Variants in CPLANE1 observed in about 807,000 individuals in gnomAD.
The protein encoded by CPLANE1 is ciliogenesis and planar polarity effector 1.
Under a neutral mutation model 362.5 loss-of-function variants are expected in CPLANE1, and 263 were observed. The observed-to-expected ratio is 0.73, with a 90% CI of 0.66 to 0.80. The LOEUF is 0.80. Ranked by LOEUF, CPLANE1 falls within the 30% of genes least tolerant of loss-of-function variation. The probability of loss-of-function intolerance (pLI) is 0.00; values close to 1 mark genes in which losing one functional copy is unlikely to be tolerated. For synonymous variants in CPLANE1, 1,212 were observed against 1,302.6 expected (o/e 0.93, Z 1.50); for missense variants, 3,461 against 3,793.4 (o/e 0.91, Z 2.30).
chr5:37,162,082 A>G (rs986359510), intron 38 of CPLANE1, among the ~76,000 whole-genome samples: 2 of 152,196 alleles, frequency 1.3e-5, no homozygotes, highest in African/African-American at 4.8e-5. Flanking sequence ...TCCTGGACAC[A>G]GTTAAATACC....
rs1381389715 is a variant in CPLANE1, at chr5:37,164,329, TAA to T, written c.7534-4_7534-3del. On this transcript the variant is annotated splice_polypyrimidine_tract_variant and splice_region_variant and intron_variant, in intron 36 of 52. Transcript: ENST00000651892. Reference sequence around the variant, plus strand: ...GGAACCACAATGTTCTTGTTGTTCCTAAATGAATTCCCACAGGATTACTCTAT... The same window carrying T: ...GGAACCACAATGTTCTTGTTGTTCCTATGAATTCCCACAGGATTACTCTAT... The T allele has an allele frequency of 9.3e-6, 15 of 1,612,080 alleles. No individual in the cohort carries two copies. The Middle Eastern group carries it at 1.8e-3, about 195-fold the overall frequency.
At chr5:37,123,930 TACACACACAC>T (rs56833956) in intron 47 of CPLANE1, among the ~76,000 whole-genome samples, 2 of 144,534 alleles carry the variant, frequency 1.4e-5, no homozygotes, top group Middle Eastern at 3.5e-3. Context: ...TAGGGGAACA[TACACACACAC>T]ACACACACAC....
In CPLANE1 at chr5:37,169,029, G is replaced by A; in HGVS notation, c.6995C>T (p.Ser2332Phe). The change falls in exon 34 of 53, where the codon TCT becomes TTT. Residue 2332 changes from serine to phenylalanine, a missense_variant. Physicochemically the swap from Ser to Phe is radical, Grantham distance 155 (BLOSUM62 -2). This residue lies in a region of CPLANE1 where 3,380 missense variants were observed against 3,666.1 expected (regional missense o/e 0.92). Transcript: ENST00000651892. ...TTTTTCTGGTTTTATAAACACTGAA[G>A]AGTCCTGTTGAGGTGTCAAATTTTC... ...GQENLTPQQD[S>F]SVFIKPEKLF... 6.2e-7 allele frequency: 1 copy of A among 1,614,174 alleles called. No individual in the cohort carries two copies. The highest frequency in any genetic ancestry group is 1.1e-5 in the South Asian group (1 of 91,088).
chr5:37,138,631 T>TA (rs1768596688), intron 46 of CPLANE1, 89 bp downstream of exon 46: 5 of 1,415,642 alleles, frequency 3.5e-6, no homozygotes, highest in South Asian at 2.5e-5. Context: ...ATTTGTTTCA[T>TA]AAAAATCACA....
In CPLANE1 at chr5:37,213,643, T is replaced by G; in HGVS notation, c.2836A>C (p.Met946Leu). Residue 946 changes from methionine to leucine, a missense_variant, in exon 16 of 53, where the codon ATG becomes CTG. Around this residue, in one of 2 missense-constraint regions of CPLANE1, gnomAD observed 3,380 missense variants for 3,666.1 expected, o/e 0.92. Transcript: ENST00000651892. ...TGCTGATTGGTGAAATAGGCAGCCA[T>G]GAAACGAGCCATGGACTGGACGACT... ...VRVVQSMARF[M>L]AAYFTNQQLC... The G allele has an allele frequency of 2.6e-6, 4 of 1,547,262 alleles. No individual in the cohort carries two copies. The highest frequency in any genetic ancestry group is 3.5e-6 in the Non-Finnish European group (4 of 1,144,222).
intron 25 of CPLANE1, among the ~76,000 whole-genome samples, chr5:37,184,170 C>A (rs916148671): frequency 6.6e-6 from 1 of 152,080 alleles, no homozygotes; most frequent in Non-Finnish European, 1.5e-5. Context: ...TTTTGTTTTA[C>A]CACACAAAAA....
chr5:37,107,946 C>T (rs1224333942), intron 52 of CPLANE1, among the ~76,000 whole-genome samples, 168 bp from the exon 53 acceptor site: 1 of 152,192 alleles, frequency 6.6e-6, no homozygotes, highest in African/African-American at 2.4e-5. Flanking sequence ...TTGCCCAGCA[C>T]ATCCAGATGG....
At chr5:37,113,074 A>T (rs1475340835) in intron 51 of CPLANE1, among the ~76,000 whole-genome samples, 1 of 152,216 alleles carries the variant, frequency 6.6e-6, no homozygotes, top group East Asian at 1.9e-4. Flanking sequence ...TAGACTAGAA[A>T]ACAATTCATA....
chr5:37,089,257 C>T, the CPLANE1 span, among the ~76,000 whole-genome samples: 1 of 152,104 alleles, frequency 6.6e-6, no homozygotes, highest in Non-Finnish European at 1.5e-5. Context: ...GAGCACACGC[C>T]CCCTAACATG....
Position 37,193,353 on chromosome 5 carries a change from CAA to C in CPLANE1, c.3811+2503_3811+2504del, listed in dbSNP as rs542118516. Among the ~76,000 whole-genome samples, 347 of 151,560 alleles carry C rather than the reference CAA, an allele frequency of 2.3e-3. 1 individual carries two copies. Among genetic ancestry groups the C allele is most frequent in the African/African-American group, 7.7e-3 (320 of 41,358 alleles). ...TAAATTTTCCGTAATAAAAAAACTT[CAA>C]AAGAGTGTGAAATCCTGGGCCAGGC... On this transcript the variant is annotated intron_variant, in intron 21 of 52. Coordinates refer to ENST00000651892, the MANE Select transcript of CPLANE1 (RefSeq NM_001384732.1).
chr5:37,224,611 G>T lies in CPLANE1; in HGVS notation c.2421C>A (p.Ser807=). The change falls in exon 13 of 53, where the codon TCC becomes TCA. Residue 807 remains serine (S), a synonymous_variant. Transcript: ENST00000651892. ...GGTTAGCCTGCAAATGACATAACAG[G>T]GACTTGACAGTAGATGCTTCATGTG... ...KMTHEASTVK[S]LLCHLQANLQ... 6.4e-7 allele frequency: 1 copy of T among 1,551,348 alleles called. No homozygotes were observed. Among genetic ancestry groups the T allele is most frequent in the Non-Finnish European group, 8.7e-7 (1 of 1,146,794 alleles).
intron 37 of CPLANE1, among the ~76,000 whole-genome samples, chr5:37,164,002 AGAGAGGGCATG>A (rs1167781897): frequency 6.6e-6 from 1 of 152,246 alleles, no homozygotes; most frequent in Non-Finnish European, 1.5e-5. Flanking sequence ...TGACCATCCC[AGAGAGGGCATG>A]GAAGCCCTGT....
At chr5:37,202,438 C>T (rs945575127) in intron 18 of CPLANE1, among the ~76,000 whole-genome samples, 8 of 152,112 alleles carry the variant, frequency 5.3e-5, no homozygotes, top group Admixed American at 3.3e-4. Context: ...CAGACATGAC[C>T]ACCGTGCCTG....
downstream of CPLANE1, chr5:37,106,091 T>C (rs1757587975): frequency 1.3e-5 from 2 of 152,126 alleles, no homozygotes; most frequent in Admixed American, 1.3e-4. Flanking sequence ...TCATACACCC[T>C]TGGTGGGAAT....
chr5:37,109,980 C>T (rs1352398608), intron 51 of CPLANE1, among the ~76,000 whole-genome samples: 1 of 152,106 alleles, frequency 6.6e-6, no homozygotes, highest in Admixed American at 6.6e-5. Flanking sequence ...TTATACATGC[C>T]ACATCCAATC....
chr5:37,121,717 A>T lies in CPLANE1; in HGVS notation c.9085T>A (p.Ser3029Thr), dbSNP rs1561315110. The T allele has an allele frequency of 1.2e-6, 2 of 1,613,792 alleles. No individual in the cohort carries two copies. The highest frequency in any genetic ancestry group is 1.7e-6 in the Non-Finnish European group (2 of 1,179,656). The change falls in exon 49 of 53, where the codon TCT (serine) becomes ACT (threonine). Residue 3029 changes from serine (S) to threonine (T), a missense_variant. Ser to Thr is a moderately conservative substitution (Grantham distance 58). Coordinates refer to ENST00000651892, the MANE Select transcript of CPLANE1 (RefSeq NM_001384732.1). ...QAYGLMNELL[S>T]ESVQLPTLPQ... ...AGAGTTGGTAGCTGTACTGACTCAG[A>T]TAACAGTTCATTCATCAGACCGTAC...
At chr5:37,097,866 C>T in the CPLANE1 span, among the ~76,000 whole-genome samples, 6 of 152,190 alleles carry the variant, frequency 3.9e-5, no homozygotes, top group East Asian at 1.2e-3. Flanking sequence ...CAATAATAAC[C>T]CTACCTGTGA....
At chr5:37,142,664 G>A (rs1770139750) in intron 43 of CPLANE1, 184 bp from the exon 44 acceptor site, 2 of 405,660 alleles carry the variant, frequency 4.9e-6, no homozygotes, top group African/African-American at 2.1e-5. Flanking sequence ...CTCTCCCACA[G>A]TAAATAAACA....
intron 50 of CPLANE1, among the ~76,000 whole-genome samples, chr5:37,119,325 C>A (rs1404792172): frequency 6.6e-6 from 1 of 152,094 alleles, no homozygotes; most frequent in Non-Finnish European, 1.5e-5. Context: ...AAGAAACAGA[C>A]TCCCAAAAAA....
Sources: gnomAD v4.1 joint callset for allele counts (sites outside exome capture counted in the v4.1 genomes callset) on GRCh38, gnomAD v4.1.1 for gene constraint, gnomAD v4.1.1 regional missense constraint, MANE v1.5 for transcripts, NCBI Gene and HGNC (gene_info 2026-07-23, HGNC 2026-07-21) for gene names.